The following TBCK variants were observed in gnomAD, a reference collection of about 807,000 sequenced individuals.
TBCK encodes TBC1 domain containing kinase.
A neutral mutation model predicts 113.4 loss-of-function variants in TBCK; 99 were observed. The observed-to-expected ratio is 0.87, with a 90% CI of 0.74 to 1.03. The LOEUF (loss-of-function observed/expected upper bound fraction) is 1.03. TBCK is among the 50% of genes least tolerant of loss of function. The pLI is 0.00. For synonymous variants in TBCK, 369 were observed against 370.8 expected (o/e 1.00, Z 0.05); for missense variants, 1,045 against 1,061.3 (o/e 0.98, Z 0.21).
At chr4:106,182,906 G>A (rs2149783421) in intron 22 of TBCK, among the ~76,000 whole-genome samples, 1 of 152,104 alleles carries the variant, frequency 6.6e-6, no homozygotes, top group East Asian at 1.9e-4. Context: ...GATAGAAATG[G>A]CATAGAATTA....
chr4:106,135,628 C>T (rs1343819439), intron 23 of TBCK, among the ~76,000 whole-genome samples: 2 of 141,684 alleles, frequency 1.4e-5, no homozygotes, highest in Admixed American at 1.4e-4. Flanking sequence ...AGAAGGAAGA[C>T]TGTTGTAGAA....
chr4:106,205,036 A>T (rs545347698), intron 20 of TBCK, among the ~76,000 whole-genome samples: 4 of 152,108 alleles, frequency 2.6e-5, no homozygotes, highest in African/African-American at 7.2e-5. Context: ...AAGTGCTGGG[A>T]TTACACGCGT....
intron 22 of TBCK, among the ~76,000 whole-genome samples, chr4:106,181,688 G>T (rs1752401552): frequency 6.6e-6 from 1 of 152,062 alleles, no homozygotes; most frequent in Non-Finnish European, 1.5e-5. Context: ...TAGATGTGTG[G>T]TGTTATTTCT....
At position 106,175,110 on chromosome 4, in the gene TBCK, T is replaced by C. The variant is rs570770781; in HGVS notation, c.2060-3840A>G. Reference sequence around the variant, plus strand: ...CCTGTATCACGCTTGTACTCCAGCCTGGCTACAGAGCAAGACTCTCTCAAA... The same window carrying C: ...CCTGTATCACGCTTGTACTCCAGCCCGGCTACAGAGCAAGACTCTCTCAAA... On this transcript the variant is annotated intron_variant, in intron 22 of 25. Transcript: ENST00000394708. 2.4e-4 allele frequency among the ~76,000 whole-genome samples: 36 copies of C among 148,910 alleles called. No homozygotes were observed. In the South Asian group the frequency reaches 7.4e-3, roughly 31 times the overall value.
At chr4:106,219,068 T>C (rs2149933349) in intron 19 of TBCK, among the ~76,000 whole-genome samples, 1 of 151,422 alleles carries the variant, frequency 6.6e-6, no homozygotes, top group South Asian at 2.1e-4. Flanking sequence ...ATGTCCTTTG[T>C]AGGGACATGG....
At chr4:106,217,226 T>C (rs1239656785) in intron 19 of TBCK, among the ~76,000 whole-genome samples, 6 of 152,074 alleles carry the variant, frequency 3.9e-5, no homozygotes, top group African/African-American at 1.4e-4. Context: ...TTCAAAATAA[T>C]AAGAGCTATC....
In TBCK at chr4:106,202,482, T is replaced by C. The variant is rs1368130137; in HGVS notation, c.1861-7728A>G. Among the ~76,000 whole-genome samples, 6 of 152,054 alleles carry C rather than the reference T, an allele frequency of 3.9e-5. No homozygotes were observed. The East Asian group carries it at 1.2e-3, about 29-fold the overall frequency. On this transcript the variant is annotated intron_variant, in intron 20 of 25. Transcript: ENST00000394708. ...AAGATGTACAGAGACACCATCATTA[T>C]AGATTTTTTGTTGTTTTTTTACGTT...
chr4:106,202,431 T>C (rs145784537), intron 20 of TBCK, among the ~76,000 whole-genome samples: 1 of 151,976 alleles, frequency 6.6e-6, no homozygotes, highest in Non-Finnish European at 1.5e-5. Context: ...AGCCATAGTA[T>C]TGCACCATCT....
chr4:106,246,309 G>A lies in TBCK; in HGVS notation c.931+830C>T, dbSNP rs117854043. Among the ~76,000 whole-genome samples, 36 of 152,236 alleles carry A rather than the reference G, an allele frequency of 2.4e-4. 1 individual carries two copies. In the East Asian group the frequency reaches 7.0e-3, roughly 29 times the overall value. On this transcript the variant is annotated intron_variant, in intron 10 of 25. Transcript: ENST00000394708. ...GAACTCAATAAATGTTTAATTGAAT[G>A]AATGTTTAGTAACCATTTTCTGCTA...
intron 11 of TBCK, among the ~76,000 whole-genome samples, chr4:106,243,797 C>T (rs1290756554): frequency 2.9e-4 from 44 of 152,166 alleles, no homozygotes; most frequent in Admixed American, 2.9e-3. Flanking sequence ...AGGTGATTCT[C>T]CCACCTGCAG....
chr4:106,244,557 T>G, intron 11 of TBCK, 69 bp downstream of exon 11: 2 of 1,242,226 alleles, frequency 1.6e-6, no homozygotes, highest in Non-Finnish European at 2.1e-6. Context: ...TTTTCTTTTT[T>G]ATTATTACCA....
At chr4:106,167,249 G>C (rs1384448429) in intron 23 of TBCK, among the ~76,000 whole-genome samples, 3 of 148,152 alleles carry the variant, frequency 2.0e-5, no homozygotes, top group Non-Finnish European at 4.5e-5. Flanking sequence ...TTCGCTACAA[G>C]CTATTAGTCT....
intron 25 of TBCK, among the ~76,000 whole-genome samples, chr4:106,058,915 A>G (rs1735731767): frequency 6.6e-6 from 1 of 151,808 alleles, no homozygotes; most frequent in African/African-American, 2.4e-5. Flanking sequence ...GGTACAAGAT[A>G]TCAGCAACCT....
intron 3 of TBCK, among the ~76,000 whole-genome samples, chr4:106,272,413 T>C (rs1220769714): frequency 1.3e-5 from 2 of 152,124 alleles, no homozygotes; most frequent in Admixed American, 6.5e-5. Flanking sequence ...TAATTTCTTT[T>C]GACGCTGATG....
intron 19 of TBCK, among the ~76,000 whole-genome samples, chr4:106,224,919 C>G (rs542713687): frequency 2.6e-5 from 4 of 152,264 alleles, no homozygotes; most frequent in African/African-American, 7.2e-5. Flanking sequence ...TTTGCTACCA[C>G]ACACAAGAAA....
At chr4:106,288,705 C>G (rs1579520924) in intron 3 of TBCK, among the ~76,000 whole-genome samples, 1 of 152,152 alleles carries the variant, frequency 6.6e-6, no homozygotes, top group South Asian at 2.1e-4. Flanking sequence ...TTGTGGGTAC[C>G]AGTAGCTCTT....
At position 106,295,127 on chromosome 4, in the gene TBCK, A is replaced by G. The variant is rs1465905979; in HGVS notation, c.233T>C (p.Leu78Pro). 1.9e-6 allele frequency: 3 copies of G among 1,613,636 alleles called. No homozygotes were observed. The highest frequency in any genetic ancestry group is 3.3e-5 in the Admixed American group (2 of 59,982). ...TTTCCTTTCTCGAAGCAAGTCTTCC[A>G]GACTACGTTCACAATGTTCAGCCAC... ...VVVAEHCERS[L>P]EDLLRERKPV... Residue 78 changes from leucine (L) to proline (P), a missense_variant, in exon 3 of 26, where the codon CTG becomes CCG. Transcript: ENST00000394708.
chr4:106,196,209 C>T (rs1224633663), intron 20 of TBCK, among the ~76,000 whole-genome samples: 1 of 151,536 alleles, frequency 6.6e-6, no homozygotes, highest in East Asian at 1.9e-4. Flanking sequence ...ATATATCGTT[C>T]TATATACACA....
intron 24 of TBCK, 68 bp downstream of exon 24, chr4:106,116,135 C>A: frequency 2.8e-6 from 4 of 1,437,120 alleles, no homozygotes; most frequent in Non-Finnish European, 1.9e-6. Context: ...AACCACACAA[C>A]ACTTAAATGA....
Sources: allele counts gnomAD v4.1 joint callset (sites outside exome capture counted in the v4.1 genomes callset), GRCh38; gene constraint gnomAD v4.1.1; transcripts MANE v1.5; gene names NCBI Gene and HGNC (gene_info 2026-07-23, HGNC 2026-07-21).